TASOR2: variants seen among roughly 807,000 people sequenced by gnomAD.
TASOR2 encodes protein TASOR 2.
A neutral mutation model predicts 199.5 loss-of-function variants in TASOR2; 84 were observed. The observed-to-expected ratio is 0.42, with a 90% CI of 0.35 to 0.50. TASOR2 has a LOEUF of 0.50. TASOR2 is among the 20% of genes least tolerant of loss of function. The pLI, the probability that TASOR2 is intolerant of heterozygous loss-of-function variation, is 0.02. For missense variants in TASOR2, 2,796 were observed against 2,835.9 expected, an observed-to-expected ratio of 0.99 and a Z score of 0.32; for synonymous variants, 1,103 against 1,046.6, an observed-to-expected ratio of 1.05 and a Z score of -1.04.
At chr10:5,686,644 G>A (rs922110249) in intron 1 of TASOR2, among the ~76,000 whole-genome samples, 3 of 152,182 alleles carry the variant, frequency 2.0e-5, no homozygotes, top group African/African-American at 4.8e-5. Flanking sequence ...CAAAAGATGT[G>A]TTTTTATCTC....
intron 1 of TASOR2, chr10:5,709,578 T>C: frequency 8.1e-7 from 1 of 1,230,814 alleles, no homozygotes; most frequent in Non-Finnish European, 1.0e-6. Context: ...ATTCTGAGGG[T>C]ATACTTGGTG....
At chr10:5,724,431 C>A (rs764809933) in exon 8 of TASOR2, 2 of 1,504,584 alleles carry the variant, frequency 1.3e-6, no homozygotes, top group South Asian at 1.3e-5. Context: ...TCTCTACAGT[C>A]TGTTTTCAAG....
chr10:5,747,238 C>G (rs1047279255), exon 15 of TASOR2: 1 of 1,613,988 alleles, frequency 6.2e-7, no homozygotes, highest in Non-Finnish European at 8.5e-7. Flanking sequence ...AGAGGTCAGC[C>G]TAGAGTTATC....
chr10:5,725,466 A>G (rs947981991), intron 8 of TASOR2, among the ~76,000 whole-genome samples: 3 of 151,044 alleles, frequency 2.0e-5, no homozygotes, highest in African/African-American at 4.9e-5. Flanking sequence ...GCAAGGATAC[A>G]AAGTAGTGTA....
chr10:5,712,401 G>T (rs1243072813), intron 1 of TASOR2: 2 of 1,231,374 alleles, frequency 1.6e-6, no homozygotes. Context: ...CAGTTTTTGA[G>T]ACAGTGTCCT....
chr10:5,718,344 C>A (rs1588702552), intron 3 of TASOR2, among the ~76,000 whole-genome samples: 1 of 143,802 alleles, frequency 7.0e-6, no homozygotes, highest in Admixed American at 7.0e-5. Context: ...AGCTTTGTTA[C>A]TATCTTAAAT....
At chr10:5,704,406 A>G (rs532776240) in intron 1 of TASOR2, among the ~76,000 whole-genome samples, 21 of 152,194 alleles carry the variant, frequency 1.4e-4, no homozygotes, top group African/African-American at 4.1e-4. Flanking sequence ...TGTTTTCTCT[A>G]TGATTTCAAT....
exon 13 of TASOR2, chr10:5,739,769 CCTA>C (rs1836130705): frequency 6.2e-7 from 1 of 1,614,008 alleles, no homozygotes; most frequent in Non-Finnish European, 8.5e-7. Context: ...ACTCCCAGGC[CCTA>C]AATATGTTAG....
In TASOR2 at chr10:5,702,661, T is replaced by TGG. The variant is rs1491112098; in HGVS notation, c.-287-10161_-287-10160dup. Reference sequence around the variant, plus strand: ...TTTTTTTTTTTTTTTTTTTTTTTTTTGGTAAGTAAGGATAGATACGACAGC... The same window carrying TGG: ...TTTTTTTTTTTTTTTTTTTTTTTTTTGGGGTAAGTAAGGATAGATACGACAGC... On this transcript the variant is annotated intron_variant, in intron 1 of 20. Transcript: ENST00000328090. 1.7e-4 allele frequency among the ~76,000 whole-genome samples: 15 copies of TGG among 86,844 alleles called. 1 individual carries two copies. The highest frequency in any genetic ancestry group is 3.2e-4 in the African/African-American group (5 of 15,752). The allele number at this position is 86,844 out of a possible 152,430, so 57.0% of individuals were successfully genotyped here.
chr10:5,703,129 G>A (rs941179416), intron 1 of TASOR2, among the ~76,000 whole-genome samples: 1 of 152,062 alleles, frequency 6.6e-6, no homozygotes, highest in Non-Finnish European at 1.5e-5. Flanking sequence ...CAGCTAATCA[G>A]TAAATGAAAA....
intron 1 of TASOR2, among the ~76,000 whole-genome samples, chr10:5,688,936 G>T (rs1254816352): frequency 2.6e-5 from 4 of 152,100 alleles, no homozygotes; most frequent in African/African-American, 9.7e-5. Context: ...CCAGAAGGTT[G>T]ATATTGCAGT....
In TASOR2 at chr10:5,710,293, A is replaced by G. The variant is rs1294312411; in HGVS notation, c.-287-2530A>G. On this transcript the variant is annotated intron_variant, in intron 1 of 20. Coordinates refer to ENST00000328090, the Ensembl canonical transcript of TASOR2. This position sits in a 1 kb window ranked among gnomAD's most constrained non-coding sequence, Gnocchi z 4.6. Reference sequence around the variant, plus strand: ...ATTTAAGATTAGCTATGATTTTCCAACAACTTTGTTTTTAACATACCTCTG... The same window carrying G: ...ATTTAAGATTAGCTATGATTTTCCAGCAACTTTGTTTTTAACATACCTCTG... 6.6e-6 allele frequency among the ~76,000 whole-genome samples: 1 copy of G among 152,118 alleles called. No individual in the cohort carries two copies. Among genetic ancestry groups the G allele is most frequent in the Non-Finnish European group, 1.5e-5 (1 of 67,972 alleles).
At chr10:5,741,592 C>T (rs1459496101) in intron 13 of TASOR2, among the ~76,000 whole-genome samples, 1 of 152,170 alleles carries the variant, frequency 6.6e-6, no homozygotes, top group East Asian at 1.9e-4. Flanking sequence ...GGATATTTTG[C>T]AGAACTGTAG....
chr10:5,709,850 A>T (rs1451983461), intron 1 of TASOR2, among the ~76,000 whole-genome samples: 1 of 152,186 alleles, frequency 6.6e-6, no homozygotes, highest in Non-Finnish European at 1.5e-5. Flanking sequence ...TTCAAATTGC[A>T]ACATAAAACA....
chr10:5,717,671 C>T (rs1208393605), exon 3 of TASOR2: 5 of 1,220,774 alleles, frequency 4.1e-6, no homozygotes, highest in Non-Finnish European at 5.1e-6. Flanking sequence ...GTATACATTT[C>T]CAAATACTCC....
rs187173466 is a variant in TASOR2 at position 5,746,209 on chromosome 10, T to C, written c.2788T>C (p.Leu930=). ...TGGGGAAGAAGCTAAACAAGAATCA[T>C]TGGAGACTTCTAATCTTGTGCTTTC... The change falls in exon 15 of 21, where the codon TTG becomes CTG. Residue 930 remains leucine (L), a synonymous_variant. Transcript: ENST00000328090. The C allele has an allele frequency of 8.6e-4, 1,355 of 1,584,396 alleles. 8 individuals are homozygous for C. The African/African-American group carries it at 0.016, about 19-fold the overall frequency.
chr10:5,760,666 T>C (rs184652184), intron 18 of TASOR2, among the ~76,000 whole-genome samples: 117 of 152,308 alleles, frequency 7.7e-4, no homozygotes, highest in African/African-American at 2.6e-3. Context: ...TATGATGTCA[T>C]AAAAAATTTA....
rs770074902 is a variant in TASOR2, at chr10:5,761,379, ACT to A, written c.7086_7087del (p.Arg2363IlefsTer20). The A allele has an allele frequency of 6.2e-7, 1 of 1,613,972 alleles. No homozygotes were observed. The highest frequency in any genetic ancestry group is 1.1e-5 in the South Asian group (1 of 91,080). ...GAATTGCTTCATTATCACCAGTGTGACTCTCGATCATCAACAAAAGCAGAAAT... is the reference window on the plus strand; with the variant it reads ...GAATTGCTTCATTATCACCAGTGTGACTCGATCATCAACAAAAGCAGAAAT... On this transcript the variant is annotated frameshift_variant, in exon 19 of 21. Transcript: ENST00000328090. LOFTEE classifies it high-confidence loss of function.
At position 5,742,593 on chromosome 10, in the gene TASOR2, A is replaced by G. The variant is rs1008888317; in HGVS notation, c.2757+67A>G. Reference sequence around the variant, plus strand: ...GAAGAAAAAAATGTTTATATGTAAAATCACATTCAAAACAAGGCATTTTTA... The same window carrying G: ...GAAGAAAAAAATGTTTATATGTAAAGTCACATTCAAAACAAGGCATTTTTA... On this transcript the variant is annotated intron_variant, in intron 14 of 20. Coordinates refer to ENST00000328090, the Ensembl canonical transcript of TASOR2. This position sits in a 1 kb window ranked among gnomAD's most constrained non-coding sequence, Gnocchi z 4.2. 4.2e-6 allele frequency: 6 copies of G among 1,439,072 alleles called. No individual in the cohort carries two copies. In the African/African-American group the frequency reaches 8.6e-5, roughly 21 times the overall value. 89.1% of individuals were successfully genotyped at this position (1,439,072 alleles called of 1,614,324 possible). A position where few individuals can be genotyped will look rare whatever the true frequency, so the allele number is the denominator to read the frequency against.
Sources: gnomAD v4.1 joint callset for allele counts (sites outside exome capture counted in the v4.1 genomes callset) on GRCh38, gnomAD v4.1.1 for gene constraint, Gnocchi (gnomAD v3.1) non-coding constraint, MANE v1.5 for transcripts, NCBI Gene and HGNC (gene_info 2026-07-23, HGNC 2026-07-21) for gene names.